Variants in SEC23A observed in about 807,000 individuals in gnomAD.
SEC23A encodes protein transport protein Sec23A.
Under a neutral mutation model 103.7 loss-of-function variants are expected in SEC23A, and 56 were observed. That is an observed-to-expected ratio of 0.54 (90% confidence interval 0.44 to 0.67). The LOEUF is 0.67. Among genes scored for constraint, SEC23A ranks in the 30% least tolerant of loss-of-function variants. The pLI, the probability that SEC23A is intolerant of heterozygous loss-of-function variation, is 0.00. For missense variants in SEC23A, 784 were observed against 936.4 expected, an observed-to-expected ratio of 0.84 and a Z score of 2.12; for synonymous variants, 281 against 293.0, an observed-to-expected ratio of 0.96 and a Z score of 0.42.
chr14:39,089,183 GA>G (rs36100124), intron 5 of SEC23A, among the ~76,000 whole-genome samples: 3,710 of 135,474 alleles, frequency 0.027, 89 homozygotes, highest in Middle Eastern at 0.13. Context: ...AAAAAAAAAA[GA>G]AAAAAAAAGG....
At position 39,085,802 on chromosome 14, in the gene SEC23A, G is replaced by A. The variant is rs1166379108; in HGVS notation, c.788C>T (p.Ser263Phe). 2.5e-6 allele frequency: 4 copies of A among 1,613,162 alleles called. No individual in the cohort carries two copies. The highest frequency in any genetic ancestry group is 3.4e-6 in the Non-Finnish European group (4 of 1,179,898). Reference protein sequence around the residue: ...PVPQGKRPLRSSGVALSIAVG... With the variant: ...PVPQGKRPLRFSGVALSIAVG... ...AGCTATGGAAAGTGCCACCCCAGAG[G>A]AACGCAAAGGTCTCTTTCCCTGTGG... The change falls in exon 7 of 20, where the codon TCC becomes TTC. Residue 263 changes from serine (S) to phenylalanine (F), a missense_variant. By Grantham distance (155) the Ser-to-Phe change is radical. Coordinates refer to ENST00000307712, the MANE Select transcript of SEC23A (RefSeq NM_006364.4).
intron 15 of SEC23A, among the ~76,000 whole-genome samples, chr14:39,047,150 A>G (rs1885867221): frequency 6.6e-6 from 1 of 152,160 alleles, no homozygotes; most frequent in Non-Finnish European, 1.5e-5. Flanking sequence ...ACCCAAGACA[A>G]AAAGTATTCC....
At chr14:39,051,916 G>A (rs1235753512) in intron 14 of SEC23A, among the ~76,000 whole-genome samples, 8 of 151,642 alleles carry the variant, frequency 5.3e-5, no homozygotes, top group African/African-American at 9.7e-5. Flanking sequence ...GCAGTGAGCC[G>A]AGATCGTGCC....
chr14:39,055,069 G>A, intron 14 of SEC23A, 74 bp downstream of exon 14: 2 of 1,565,330 alleles, frequency 1.3e-6, no homozygotes, highest in Non-Finnish European at 1.8e-6. Context: ...TACTTTGAAA[G>A]AGATTATCTG....
intron 15 of SEC23A, 137 bp from the exon 16 acceptor site, chr14:39,045,461 C>A: frequency 1.8e-6 from 1 of 546,218 alleles, no homozygotes; most frequent in Non-Finnish European, 3.0e-6. Context: ...TAATTTATAT[C>A]CCTCAGGAAA....
chr14:39,092,738 T>G, intron 3 of SEC23A, 111 bp from the exon 4 acceptor site: 1 of 665,140 alleles, frequency 1.5e-6, no homozygotes, highest in Non-Finnish European at 2.6e-6. Flanking sequence ...AAAGGCATTT[T>G]CATTAAATGA....
At chr14:39,101,923 T>C (rs11620889) in intron 1 of SEC23A, among the ~76,000 whole-genome samples, 22,277 of 152,044 alleles carry the variant, frequency 0.15, 1,732 homozygotes, top group African/African-American at 0.19. Context: ...TAAAATTCTG[T>C]AAGTCAATTA....
intron 6 of SEC23A, 72 bp from the exon 7 acceptor site, chr14:39,085,978 T>C (rs1887430253): frequency 1.5e-6 from 2 of 1,345,596 alleles, no homozygotes; most frequent in South Asian, 1.2e-5. Context: ...CAAATTTCAC[T>C]TTCCTAAAAA....
chr14:39,084,501 G>C (rs193169531), intron 7 of SEC23A, among the ~76,000 whole-genome samples: 2 of 152,152 alleles, frequency 1.3e-5, no homozygotes, highest in East Asian at 1.9e-4. Context: ...AACACTTCAC[G>C]TAGATAAAAT....
At chr14:39,040,662 A>G (rs1885607190) in intron 18 of SEC23A, 70 bp downstream of exon 18, 1 of 1,580,970 alleles carries the variant, frequency 6.3e-7, no homozygotes, top group Admixed American at 1.7e-5. Context: ...TTAAAATCAG[A>G]AGGCAAGCAG....
intron 14 of SEC23A, among the ~76,000 whole-genome samples, chr14:39,053,880 C>T (rs1004558941): frequency 6.6e-6 from 1 of 152,094 alleles, no homozygotes; most frequent in Non-Finnish European, 1.5e-5. Context: ...CTTGTAAAAT[C>T]CCAACACTCT....
chr14:39,047,367 CT>C (rs1293066183), intron 15 of SEC23A: 1 of 1,286,432 alleles, frequency 7.8e-7, no homozygotes. Flanking sequence ...TTTTACATGC[CT>C]TAAGACAAGC....
At chr14:39,067,014 C>T (rs1336492329) in intron 10 of SEC23A, among the ~76,000 whole-genome samples, 159 bp downstream of exon 10, 1 of 152,198 alleles carries the variant, frequency 6.6e-6, no homozygotes, top group Non-Finnish European at 1.5e-5. Flanking sequence ...AATGATGACA[C>T]TCTTCTGGTG....
chr14:39,061,830 C>T lies in SEC23A; in HGVS notation c.1440G>A (p.Gln480=). ...PIPQGGRGAI[Q]FVTQYQHSSG... ...TTGAATGCTGATACTGAGTCACAAACTGGATTGCACCACGCCCTCCTTGAG... is the reference window on the plus strand; with the variant it reads ...TTGAATGCTGATACTGAGTCACAAATTGGATTGCACCACGCCCTCCTTGAG... The change falls in exon 13 of 20, where the codon CAG becomes CAA. Residue 480 remains glutamine (Q), a synonymous_variant. Transcript: ENST00000307712. 1 of 1,614,048 alleles carries T rather than the reference C, an allele frequency of 6.2e-7. No homozygotes were observed. The highest frequency in any genetic ancestry group is 8.5e-7 in the Non-Finnish European group (1 of 1,179,914).
chr14:39,061,630 G>T, intron 13 of SEC23A, 135 bp downstream of exon 13: 2 of 699,502 alleles, frequency 2.9e-6, no homozygotes, highest in East Asian at 2.7e-5. Context: ...GGGTTAGAAA[G>T]AAATAAATAA....
intron 16 of SEC23A, among the ~76,000 whole-genome samples, chr14:39,043,112 G>C (rs1885705808): frequency 6.6e-6 from 1 of 152,012 alleles, no homozygotes; most frequent in South Asian, 2.1e-4. Flanking sequence ...AAGTAGCTGG[G>C]ACTACAGGTG....
intron 13 of SEC23A, among the ~76,000 whole-genome samples, chr14:39,056,412 CGTGA>C (rs1462816466): frequency 6.6e-6 from 1 of 152,136 alleles, no homozygotes; most frequent in Non-Finnish European, 1.5e-5. Context: ...GAATAACAGG[CGTGA>C]GCCACCACGC....
intron 15 of SEC23A, among the ~76,000 whole-genome samples, chr14:39,048,275 T>A (rs371729601): frequency 6.6e-6 from 1 of 151,954 alleles, no homozygotes; most frequent in Non-Finnish European, 1.5e-5. Context: ...ATAGATACCA[T>A]AAAAAGAGCA....
rs938343424 is a variant in SEC23A, at chr14:39,096,125, G to A, written c.-7C>T. ...ATTCCAAATAGGTTGTCATTGTGGAGTTTGATTCTTATTTCTGTATCAAAA... is the reference window on the plus strand; with the variant it reads ...ATTCCAAATAGGTTGTCATTGTGGAATTTGATTCTTATTTCTGTATCAAAA... On this transcript the variant is annotated 5_prime_UTR_variant, in exon 2 of 20. Transcript: ENST00000307712. The A allele has an allele frequency of 6.9e-6, 11 of 1,587,854 alleles. No individual in the cohort carries two copies. Among genetic ancestry groups the A allele is most frequent in the Admixed American group, 5.0e-5 (3 of 59,966 alleles).
Sources: gnomAD v4.1 joint callset for allele counts (sites outside exome capture counted in the v4.1 genomes callset) on GRCh38, gnomAD v4.1.1 for gene constraint, MANE v1.5 for transcripts, NCBI Gene and HGNC (gene_info 2026-07-23, HGNC 2026-07-21) for gene names.